The following TMEM132D variants were observed in gnomAD, a reference collection of about 807,000 sequenced individuals.
The protein encoded by TMEM132D is transmembrane protein 132D, also known as mature OL transmembrane protein.
In TMEM132D, 21 loss-of-function variants were observed where a neutral mutation model predicts 62.3. The ratio of observed to expected loss-of-function variants is 0.34; its 90% CI spans 0.24 to 0.49. The LOEUF (loss-of-function observed/expected upper bound fraction) is 0.49, where lower values mean the gene tolerates loss of function less well. Among genes scored for constraint, TMEM132D ranks in the 20% least tolerant of loss-of-function variants. TMEM132D has a pLI of 0.99. For missense variants in TMEM132D, 1,346 were observed against 1,402.8 expected, an observed-to-expected ratio of 0.96 and a Z score of 0.65; for synonymous variants, 621 against 575.6, an observed-to-expected ratio of 1.08 and a Z score of -1.13.
chr12:129,438,486 G>T (rs1872851742), intron 3 of TMEM132D, among the ~76,000 whole-genome samples: 1 of 152,174 alleles, frequency 6.6e-6, no homozygotes, highest in Non-Finnish European at 1.5e-5. Flanking sequence ...ACATCTCCCT[G>T]ATGCTATTTT....
chr12:129,176,067 A>G (rs1383708578), intron 5 of TMEM132D, among the ~76,000 whole-genome samples: 1 of 152,172 alleles, frequency 6.6e-6, no homozygotes, highest in Non-Finnish European at 1.5e-5. Flanking sequence ...CTTGGGAGCC[A>G]CTGAGGGGGC....
At chr12:129,391,707 C>T (rs576069749) in intron 3 of TMEM132D, among the ~76,000 whole-genome samples, 1 of 152,306 alleles carries the variant, frequency 6.6e-6, no homozygotes, top group Non-Finnish European at 1.5e-5. Context: ...GGTCCTACTC[C>T]AAGAGATTTT....
At chr12:129,154,261 A>G (rs1877166454) in intron 5 of TMEM132D, among the ~76,000 whole-genome samples, 1 of 152,204 alleles carries the variant, frequency 6.6e-6, no homozygotes, top group African/African-American at 2.4e-5. Flanking sequence ...GAGAAGAACC[A>G]GGTAGCAGAC....
rs1265237285 is a variant in TMEM132D, at chr12:129,371,219, AATT to A, written c.1116-33405_1116-33403del. On this transcript the variant is annotated intron_variant, in intron 3 of 8. Transcript: ENST00000422113. The surrounding 1 kb of genome is among the most constrained non-coding windows in gnomAD (Gnocchi z 4.3). The stretch of plus-strand genomic sequence containing the variant: ...AAGTTTTCAAAAATATTACTTTTTA[AATT>A]ATTGTTGTTACTGTGGTGATGATGG... 6.6e-6 allele frequency among the ~76,000 whole-genome samples: 1 copy of A among 152,208 alleles called. No individual in the cohort carries two copies. The highest frequency in any genetic ancestry group is 1.5e-5 in the Non-Finnish European group (1 of 68,038).
Position 129,436,283 on chromosome 12 carries a change from C to T in TMEM132D, c.1115+94776G>A, listed in dbSNP as rs1593007872. On this transcript the variant is annotated intron_variant, in intron 3 of 8. Transcript: ENST00000422113. The stretch of plus-strand genomic sequence containing the variant: ...TACGAGAGAATAGTATTCCATCACT[C>T]CATTTTCTAAAAAATTGTTATTTGG... Among the ~76,000 whole-genome samples the T allele has an allele frequency of 2.0e-5, 3 of 152,136 alleles. No homozygotes were observed. The South Asian group carries it at 6.2e-4, about 32-fold the overall frequency.
intron 1 of TMEM132D, among the ~76,000 whole-genome samples, chr12:129,897,187 G>T (rs1875169125): frequency 6.6e-6 from 1 of 152,172 alleles, no homozygotes; most frequent in Non-Finnish European, 1.5e-5. Context: ...ACAAATCCAT[G>T]CTGGTTTCCT....
At chr12:129,139,850 A>G (rs1008969582) in intron 5 of TMEM132D, among the ~76,000 whole-genome samples, 14 of 151,802 alleles carry the variant, frequency 9.2e-5, no homozygotes, top group Non-Finnish European at 1.5e-4. Flanking sequence ...AGCTGGGACT[A>G]CAGGCATGTG....
chr12:129,244,364 C>T (rs7979189), intron 4 of TMEM132D, among the ~76,000 whole-genome samples: 36,427 of 134,668 alleles, frequency 0.27, 4,831 homozygotes, highest in African/African-American at 0.3. Flanking sequence ...CCAGCCTGGG[C>T]GACAGAGCGA....
At chr12:129,534,513 A>T (rs759434871) in intron 2 of TMEM132D, among the ~76,000 whole-genome samples, 1 of 152,166 alleles carries the variant, frequency 6.6e-6, no homozygotes, top group African/African-American at 2.4e-5. Flanking sequence ...ACACACACAC[A>T]GAGTTTCAAG....
chr12:129,382,761 G>A (rs1312259970), intron 3 of TMEM132D, among the ~76,000 whole-genome samples: 2 of 152,122 alleles, frequency 1.3e-5, no homozygotes, highest in East Asian at 3.8e-4. Context: ...GAGATTTGAG[G>A]TGAACACATG....
At chr12:129,460,340 A>T (rs531368877) in intron 3 of TMEM132D, among the ~76,000 whole-genome samples, 1 of 152,056 alleles carries the variant, frequency 6.6e-6, no homozygotes, top group Non-Finnish European at 1.5e-5. Flanking sequence ...CAATTTCTCC[A>T]CTGATTATTT....
At chr12:129,486,421 G>T (rs1386588916) in intron 3 of TMEM132D, among the ~76,000 whole-genome samples, 2 of 152,096 alleles carry the variant, frequency 1.3e-5, no homozygotes, top group African/African-American at 4.8e-5. Context: ...CATGTCACGG[G>T]TGGGCCTGTG....
chr12:129,597,360 G>T (rs1028757562), intron 2 of TMEM132D, among the ~76,000 whole-genome samples: 6 of 152,246 alleles, frequency 3.9e-5, no homozygotes, highest in African/African-American at 1.4e-4. Context: ...TTCAGGCCCT[G>T]AAGTGTTAAA....
chr12:129,886,916 G>A lies in TMEM132D; in HGVS notation c.79+16345C>T, dbSNP rs184427001. Among the ~76,000 whole-genome samples the A allele has an allele frequency of 5.1e-3, 770 of 152,214 alleles. 8 individuals carry two copies. Among genetic ancestry groups the A allele is most frequent in the African/African-American group, 0.018 (728 of 41,532 alleles). On this transcript the variant is annotated intron_variant, in intron 1 of 8. Coordinates refer to ENST00000422113, the MANE Select transcript of TMEM132D (RefSeq NM_133448.3). ...GCACTTCTCCTTGCTGCTGCCATAC[G>A]AAGAACATGTTTACTTCTCCTTCCA...
chr12:129,158,604 C>A (rs1877312030), intron 5 of TMEM132D, among the ~76,000 whole-genome samples: 1 of 152,104 alleles, frequency 6.6e-6, no homozygotes, highest in South Asian at 2.1e-4. Flanking sequence ...AATGAAGAGG[C>A]AGAGGATGGA....
At position 129,903,361 on chromosome 12, in the gene TMEM132D, T is replaced by C; in HGVS notation, c.-22A>G. ...ACATCCTGGAGACCCGGAGCGCAGA[T>C]CCTCCGCTCCCCGGCGCCGTCCAGG... is the stretch of plus-strand genomic sequence containing the variant. On this transcript the variant is annotated 5_prime_UTR_variant, in exon 1 of 9. Coordinates refer to ENST00000422113, the MANE Select transcript of TMEM132D (RefSeq NM_133448.3). This position sits in a 1 kb window ranked among gnomAD's most constrained non-coding sequence, Gnocchi z 6.2. The C allele has an allele frequency of 6.5e-7, 1 of 1,549,604 alleles. No homozygotes were observed. Among genetic ancestry groups the C allele is most frequent in the East Asian group, 2.4e-5 (1 of 40,820 alleles).
At chr12:129,428,134 A>G (rs1339454664) in intron 3 of TMEM132D, among the ~76,000 whole-genome samples, 4 of 152,238 alleles carry the variant, frequency 2.6e-5, no homozygotes, top group Non-Finnish European at 5.9e-5. Context: ...CAGGAAGATG[A>G]AAGGTCAGAG....
intron 3 of TMEM132D, among the ~76,000 whole-genome samples, chr12:129,352,869 T>C (rs1334080635): frequency 2.0e-5 from 3 of 152,208 alleles, no homozygotes; most frequent in Non-Finnish European, 2.9e-5. Flanking sequence ...CTCAAGGACC[T>C]AGAACCAGAA....
At chr12:129,076,370 C>T (rs1874256776) in intron 8 of TMEM132D, among the ~76,000 whole-genome samples, 1 of 152,142 alleles carries the variant, frequency 6.6e-6, no homozygotes, top group African/African-American at 2.4e-5. Context: ...ATCCTCATAA[C>T]ACATCCTTTG....
Sources: gnomAD v4.1 joint callset for allele counts (sites outside exome capture counted in the v4.1 genomes callset) on GRCh38, gnomAD v4.1.1 for gene constraint, Gnocchi (gnomAD v3.1) non-coding constraint, MANE v1.5 for transcripts, NCBI Gene and HGNC (gene_info 2026-07-23, HGNC 2026-07-21) for gene names.